GABRA3: variants seen among roughly 807,000 people sequenced by gnomAD.
The protein encoded by GABRA3 is gamma-aminobutyric acid receptor subunit alpha-3.
In GABRA3, 10 loss-of-function variants were observed where a neutral mutation model predicts 30.1. The ratio of observed to expected loss-of-function variants is 0.33; its 90% confidence interval spans 0.20 to 0.56. The LOEUF (loss-of-function observed/expected upper bound fraction) is 0.56, where lower values mean the gene tolerates loss of function less well. GABRA3 is among the 20% of genes least tolerant of loss of function. The pLI, the probability that GABRA3 is intolerant of heterozygous loss-of-function variation, is 0.89. For missense variants in GABRA3, 233 were observed against 392.0 expected, an observed-to-expected ratio of 0.59 and a Z score of 3.42; for synonymous variants, 151 against 146.8, an observed-to-expected ratio of 1.03 and a Z score of -0.21.
intron 1 of GABRA3, among the ~76,000 whole-genome samples, chrX:152,418,028 A>G: frequency 9.1e-6 from 1 of 110,350 alleles, no homozygotes; most frequent in Non-Finnish European, 1.9e-5. Context: ...TGTATAATAA[A>G]AAAAAGAAGA....
At chrX:152,213,452 C>T (rs967416094) in intron 6 of GABRA3, among the ~76,000 whole-genome samples, 1 of 111,356 alleles carries the variant, frequency 9.0e-6, no homozygotes, top group African/African-American at 3.3e-5. Flanking sequence ...GGAGGGGTGT[C>T]ATTAGATACA....
At chrX:152,258,708 A>C (rs1305498539) in intron 4 of GABRA3, among the ~76,000 whole-genome samples, 1 of 111,804 alleles carries the variant, frequency 8.9e-6, no homozygotes, top group Admixed American at 9.5e-5. Flanking sequence ...TGACCACTTG[A>C]CTTATAACCA....
intron 4 of GABRA3, among the ~76,000 whole-genome samples, chrX:152,265,513 G>T (rs1029205554): frequency 2.7e-5 from 3 of 111,306 alleles, no homozygotes; most frequent in Admixed American, 9.6e-5. Context: ...TAAGAGGGAA[G>T]TTTATAGATA....
At chrX:152,191,820 A>G (rs1047143869) in intron 8 of GABRA3, among the ~76,000 whole-genome samples, 3 of 111,361 alleles carry the variant, frequency 2.7e-5, no homozygotes, top group African/African-American at 9.8e-5. Flanking sequence ...CTAGGCAGGG[A>G]GTCATCAAGG....
At chrX:152,426,571 T>G (rs779892980) in intron 1 of GABRA3, among the ~76,000 whole-genome samples, 23 of 111,731 alleles carry the variant, frequency 2.1e-4, no homozygotes, top group African/African-American at 7.1e-4. Context: ...CTATCTCACT[T>G]CTAAGAATTC....
At chrX:152,406,408 G>A (rs950142468) in intron 1 of GABRA3, among the ~76,000 whole-genome samples, 1 of 107,091 alleles carries the variant, frequency 9.3e-6, no homozygotes, top group South Asian at 4.1e-4. Flanking sequence ...CATGCAAATG[G>A]AAACCCAAAA....
At chrX:152,318,740 A>G (rs1243438397) in intron 3 of GABRA3, among the ~76,000 whole-genome samples, 1 of 112,141 alleles carries the variant, frequency 8.9e-6, no homozygotes, top group Non-Finnish European at 1.9e-5. Context: ...GATCATCTCA[A>G]TAGATGCAGA....
At chrX:152,308,075 T>C (rs747906306) in intron 3 of GABRA3, among the ~76,000 whole-genome samples, 39 of 112,654 alleles carry the variant, frequency 3.5e-4, no homozygotes, top group Middle Eastern at 4.6e-3. Context: ...ATAAGGCCAG[T>C]CTGATCTGAG....
chrX:152,257,357 A>C (rs1362246585), intron 4 of GABRA3, among the ~76,000 whole-genome samples: 1 of 112,024 alleles, frequency 8.9e-6, no homozygotes, highest in Non-Finnish European at 1.9e-5. Context: ...TGACCACTGA[A>C]CTACACAAGG....
At chrX:152,196,621 C>G (rs1299941324) in intron 8 of GABRA3, among the ~76,000 whole-genome samples, 3 of 111,030 alleles carry the variant, frequency 2.7e-5, no homozygotes. Flanking sequence ...CTGTTCTTCT[C>G]AAGATCCCTA....
chrX:152,314,831 T>C (rs1478773157), intron 3 of GABRA3, among the ~76,000 whole-genome samples: 2 of 112,344 alleles, frequency 1.8e-5, no homozygotes, highest in African/African-American at 3.2e-5. Context: ...TTAATGTTTG[T>C]CTGTCTCACA....
At chrX:152,228,832 C>G (rs1325512762) in intron 5 of GABRA3, among the ~76,000 whole-genome samples, 4 of 110,772 alleles carry the variant, frequency 3.6e-5, no homozygotes, top group South Asian at 3.8e-4. Context: ...AGACAATATC[C>G]CCTTCCCTTA....
At chrX:152,204,914 A>ATTG (rs1937519562) in intron 7 of GABRA3, among the ~76,000 whole-genome samples, 1 of 111,247 alleles carries the variant, frequency 9.0e-6, no homozygotes, top group African/African-American at 3.3e-5. Flanking sequence ...TTAGTTTCAA[A>ATTG]TTGTTTTCTC....
At chrX:152,442,679 T>A (rs780053203) in intron 1 of GABRA3, among the ~76,000 whole-genome samples, 1 of 111,700 alleles carries the variant, frequency 9.0e-6, no homozygotes, top group East Asian at 2.8e-4. Flanking sequence ...ACTTTGTAAC[T>A]AGGACAGGAA....
At chrX:152,179,519 G>A (rs1476023226) in intron 9 of GABRA3, among the ~76,000 whole-genome samples, 7 of 104,412 alleles carry the variant, frequency 6.7e-5, no homozygotes, top group Non-Finnish European at 3.9e-5. Context: ...TTTTGAGATG[G>A]AGTCTCGCTC....
At chrX:152,250,495 G>A (rs769259653) in intron 5 of GABRA3, 1 of 111,159 alleles carries the variant, frequency 9.0e-6, no homozygotes, top group Non-Finnish European at 1.9e-5. Context: ...TATATACAAC[G>A]AACATGTTTA....
At chrX:152,275,035 T>A (rs766284384) in intron 4 of GABRA3, among the ~76,000 whole-genome samples, 121 of 96,143 alleles carry the variant, frequency 1.3e-3, no homozygotes, top group African/African-American at 4.5e-3. Flanking sequence ...TACATATATA[T>A]TTATTTATAG....
intron 1 of GABRA3, among the ~76,000 whole-genome samples, chrX:152,403,571 T>A (rs1208219315): frequency 2.5e-5 from 1 of 39,734 alleles, no homozygotes; most frequent in Non-Finnish European, 9.7e-5. Context: ...TGTGCACACG[T>A]GTGTGTGTGT....
chrX:152,315,015 T>C (rs1388769), intron 3 of GABRA3, among the ~76,000 whole-genome samples: 24,780 of 110,238 alleles, frequency 0.22, 2,681 homozygotes, highest in African/African-American at 0.43. Context: ...CAAATTGCAG[T>C]TCCCACTCGG....
Sources: gnomAD v4.1 joint callset for allele counts (sites outside exome capture counted in the v4.1 genomes callset) on GRCh38, gnomAD v4.1.1 for gene constraint, MANE v1.5 for transcripts, NCBI Gene and HGNC (gene_info 2026-07-23, HGNC 2026-07-21) for gene names.